CIRSR: variants seen among roughly 807,000 people sequenced by gnomAD.
The protein encoded by CIRSR is CBF1 (RBPJ) interacting corepressor 1.
At chr2:174,394,796 T>A in the CIRSR span, among the ~76,000 whole-genome samples, 3 of 152,244 alleles carry the variant, frequency 2.0e-5, no homozygotes, top group Admixed American at 1.3e-4. Flanking sequence ...ATCAACATTT[T>A]ATTGAGCACC....
At chr2:174,354,575 TATATATTATATATATCATATA>T in the CIRSR span, among the ~76,000 whole-genome samples, 5 of 15,354 alleles carry the variant, frequency 3.3e-4, no homozygotes, top group East Asian at 0.017. Flanking sequence ...TATATTATAT[TATATATTATATATATCATATA>T]ATATATATTA....
chr2:174,375,440 T>G, the CIRSR span, among the ~76,000 whole-genome samples: 1 of 152,100 alleles, frequency 6.6e-6, no homozygotes, highest in Non-Finnish European at 1.5e-5. Flanking sequence ...AAACCCCATC[T>G]CTACAAAAAG....
chr2:174,356,601 G>GTGA, the CIRSR span, among the ~76,000 whole-genome samples: 1 of 118,622 alleles, frequency 8.4e-6, no homozygotes, highest in Non-Finnish European at 2.0e-5. Flanking sequence ...GAGGGAGGGA[G>GTGA]GGAAGAAGGA....
At chr2:174,361,009 T>G in the CIRSR span, among the ~76,000 whole-genome samples, 1 of 152,196 alleles carries the variant, frequency 6.6e-6, no homozygotes, top group African/African-American at 2.4e-5. Context: ...TAAAAAAATT[T>G]TAAACATCAA....
At chr2:174,375,205 G>A in the CIRSR span, among the ~76,000 whole-genome samples, 1 of 151,822 alleles carries the variant, frequency 6.6e-6, no homozygotes, top group African/African-American at 2.4e-5. Context: ...ATTACTGGAG[G>A]GCAAATTTCT....
At chr2:174,349,191 C>G in the CIRSR span, 1 of 1,191,998 alleles carries the variant, frequency 8.4e-7, no homozygotes, top group Non-Finnish European at 1.1e-6. Flanking sequence ...GGGAAATAAA[C>G]AGTAACAGAC....
chr2:174,361,567 T>A, the CIRSR span, among the ~76,000 whole-genome samples: 2 of 152,228 alleles, frequency 1.3e-5, no homozygotes, highest in African/African-American at 4.8e-5. Flanking sequence ...CAGCGCTTCT[T>A]GCAAAAAATG....
chr2:174,350,193 G>A, the CIRSR span, among the ~76,000 whole-genome samples: 2 of 152,076 alleles, frequency 1.3e-5, no homozygotes, highest in African/African-American at 4.8e-5. Context: ...AGCATCATGA[G>A]CTCCCTCTAT....
the CIRSR span, among the ~76,000 whole-genome samples, chr2:174,376,123 C>T: frequency 7.2e-5 from 11 of 152,244 alleles, no homozygotes; most frequent in East Asian, 1.9e-4. Flanking sequence ...GGGCTTTCAA[C>T]GTGCTGGGAT....
the CIRSR span, among the ~76,000 whole-genome samples, chr2:174,354,533 T>TATATATTATATATA: frequency 1.6e-5 from 1 of 62,342 alleles, no homozygotes; most frequent in African/African-American, 6.5e-5. Flanking sequence ...TTTTATATAT[T>TATATATTATATATA]ATATAATATA....
the CIRSR span, chr2:174,378,716 C>T: frequency 2.0e-5 from 11 of 547,334 alleles, no homozygotes; most frequent in Admixed American, 1.3e-4. Context: ...AAAAATTAAA[C>T]TTAATCCTAT....
the CIRSR span, among the ~76,000 whole-genome samples, chr2:174,363,307 G>A: frequency 6.6e-6 from 1 of 152,168 alleles, no homozygotes; most frequent in African/African-American, 2.4e-5. Context: ...GCAAGGCTCA[G>A]ACCCTTAATC....
At chr2:174,367,800 C>T in the CIRSR span, among the ~76,000 whole-genome samples, 2 of 139,184 alleles carry the variant, frequency 1.4e-5, no homozygotes, top group Non-Finnish European at 3.1e-5. Flanking sequence ...AAAAAAGACC[C>T]AACTACCCAA....
At chr2:174,350,967 ATTAGGAAACT>A in the CIRSR span, among the ~76,000 whole-genome samples, 1 of 152,228 alleles carries the variant, frequency 6.6e-6, no homozygotes. Context: ...CTTTGCCAGC[ATTAGGAAACT>A]TTTCCAGGAA....
chr2:174,386,856 T>C, the CIRSR span, among the ~76,000 whole-genome samples: 2 of 152,218 alleles, frequency 1.3e-5, no homozygotes, highest in Non-Finnish European at 2.9e-5. Context: ...GTTTTTAATA[T>C]ATCAGTTATT....
the CIRSR span, among the ~76,000 whole-genome samples, chr2:174,364,649 C>T: frequency 1.3e-5 from 2 of 152,232 alleles, no homozygotes; most frequent in African/African-American, 2.4e-5. Flanking sequence ...TTCTTGACTT[C>T]TGCACACTTA....
At chr2:174,363,302 GCTCAGA>G in the CIRSR span, among the ~76,000 whole-genome samples, 11 of 152,120 alleles carry the variant, frequency 7.2e-5, no homozygotes, top group Non-Finnish European at 1.0e-4. Context: ...GAACTGCAAG[GCTCAGA>G]CCCTTAATCC....
At chr2:174,359,127 T>C in the CIRSR span, among the ~76,000 whole-genome samples, 1 of 150,006 alleles carries the variant, frequency 6.7e-6, no homozygotes, top group African/African-American at 2.5e-5. Context: ...ATGATTTCAC[T>C]TATAAGAAGC....
At chr2:174,350,747 T>C in the CIRSR span, 5 of 1,599,008 alleles carry the variant, frequency 3.1e-6, no homozygotes, top group Non-Finnish European at 4.3e-6. Flanking sequence ...AACATACTCC[T>C]GAGTCAACAA....
Sources: allele counts gnomAD v4.1 joint callset (sites outside exome capture counted in the v4.1 genomes callset), GRCh38; gene constraint gnomAD v4.1.1; transcripts MANE v1.5; gene names NCBI Gene and HGNC (gene_info 2026-07-23, HGNC 2026-07-21).